RTN4IP1: variants seen among roughly 807,000 people sequenced by gnomAD.
RTN4IP1 encodes the protein reticulon 4 interacting protein 1, also known as NAD(P)H oxidoreductase RTN4IP1, mitochondrial.
Under a neutral mutation model 46.6 loss-of-function variants are expected in RTN4IP1, and 32 were observed. That is an observed-to-expected ratio of 0.69 (90% CI 0.52 to 0.92). RTN4IP1 has a LOEUF of 0.92. Among genes scored for constraint, RTN4IP1 ranks in the 40% least tolerant of loss-of-function variants. The pLI is 0.00. For missense variants in RTN4IP1, 424 were observed against 485.8 expected (o/e 0.87, Z 1.20); for synonymous variants, 167 against 161.8 (o/e 1.03, Z -0.24).
At chr6:106,607,979 T>C (rs953299773) in intron 4 of RTN4IP1, among the ~76,000 whole-genome samples, 2 of 152,138 alleles carry the variant, frequency 1.3e-5, no homozygotes, top group Non-Finnish European at 2.9e-5. Flanking sequence ...TACTACTGAG[T>C]ATTTATCCAG....
chr6:106,601,326 G>T (rs1028666733), intron 5 of RTN4IP1, among the ~76,000 whole-genome samples: 39 of 152,028 alleles, frequency 2.6e-4, no homozygotes, highest in African/African-American at 9.0e-4. Flanking sequence ...ACTCTTACCA[G>T]AAAATGATAT....
intron 8 of RTN4IP1, among the ~76,000 whole-genome samples, chr6:106,574,972 A>C (rs1484460656): frequency 3.3e-5 from 5 of 152,182 alleles, no homozygotes; most frequent in African/African-American, 1.2e-4. Context: ...GTGACAATGG[A>C]AAAAAAGGTT....
chr6:106,600,148 T>C (rs560474097), intron 5 of RTN4IP1, among the ~76,000 whole-genome samples: 8 of 152,194 alleles, frequency 5.3e-5, no homozygotes, highest in African/African-American at 1.2e-4. Context: ...ACCATCTGGG[T>C]TCTCAAAAAG....
chr6:106,583,271 A>G, intron 8 of RTN4IP1, 57 bp downstream of exon 8: 1 of 1,406,378 alleles, frequency 7.1e-7, no homozygotes, highest in Non-Finnish European at 1.0e-6. Context: ...GGGCAGGTCT[A>G]CAGGAGGTGC....
intron 6 of RTN4IP1, among the ~76,000 whole-genome samples, chr6:106,588,920 G>A (rs2114635624): frequency 6.6e-6 from 1 of 151,824 alleles, no homozygotes; most frequent in South Asian, 2.1e-4. Context: ...AGACCAGCCT[G>A]ACCAACATGG....
At chr6:106,592,377 T>C (rs1329375297) in intron 5 of RTN4IP1, 77 bp from the exon 6 acceptor site, 57 of 1,458,910 alleles carry the variant, frequency 3.9e-5, no homozygotes, top group Non-Finnish European at 5.0e-5. Context: ...AAAAAAATCA[T>C]TGGCACCATG....
chr6:106,626,190 G>A (rs1299763629), intron 1 of RTN4IP1, among the ~76,000 whole-genome samples: 1 of 152,120 alleles, frequency 6.6e-6, no homozygotes, highest in East Asian at 1.9e-4. Context: ...GATGCTGACA[G>A]GTGGGTAGCT....
chr6:106,624,740 G>A lies in RTN4IP1; in HGVS notation c.275-1771C>T, dbSNP rs374316438. Among the ~76,000 whole-genome samples the A allele has an allele frequency of 1.9e-4, 28 of 150,920 alleles. No homozygotes were observed. In the East Asian group the frequency reaches 5.5e-3, roughly 29 times the overall value. Reference sequence around the variant, plus strand: ...AGGTGGGAGGATTGCTTGAGTTCAGGAGTTCAAAACCAGCCTAGAGCTCAT... The same window carrying A: ...AGGTGGGAGGATTGCTTGAGTTCAGAAGTTCAAAACCAGCCTAGAGCTCAT... On this transcript the variant is annotated intron_variant, in intron 1 of 8. Coordinates refer to ENST00000369063, the MANE Select transcript of RTN4IP1 (RefSeq NM_032730.5).
intron 5 of RTN4IP1, among the ~76,000 whole-genome samples, chr6:106,593,244 C>A (rs1355948918): frequency 1.3e-5 from 2 of 151,870 alleles, no homozygotes; most frequent in Non-Finnish European, 2.9e-5. Context: ...ATAAATGTTA[C>A]CCAGGTTTTA....
chr6:106,601,463 TA>T (rs1211920514), intron 5 of RTN4IP1, among the ~76,000 whole-genome samples: 2 of 152,180 alleles, frequency 1.3e-5, no homozygotes, highest in African/African-American at 4.8e-5. Context: ...GTGTCATATC[TA>T]AAAATCTGTT....
chr6:106,595,038 G>A (rs1444229693), intron 5 of RTN4IP1, among the ~76,000 whole-genome samples: 1 of 152,124 alleles, frequency 6.6e-6, no homozygotes. Context: ...CTGAGCTCAC[G>A]TGATCCACCC....
chr6:106,629,358 G>C lies in RTN4IP1; in HGVS notation c.-337C>G, dbSNP rs1776750247. 7.2e-6 allele frequency: 4 copies of C among 558,286 alleles called. No individual in the cohort carries two copies. In the South Asian group the frequency reaches 9.0e-5, roughly 13 times the overall value. The allele number at this position is 558,286 out of a possible 1,614,324, so 34.6% of individuals were successfully genotyped here. ...CGCAAACCCCCTAGATCCCTGCCCT[G>C]TCCTGGGAGCCCTCGGCGGGACAAG... On this transcript the variant is annotated 5_prime_UTR_variant, in exon 1 of 9. Coordinates refer to ENST00000369063, the MANE Select transcript of RTN4IP1 (RefSeq NM_032730.5).
chr6:106,571,910 G>T lies in RTN4IP1; in HGVS notation c.*86C>A. On this transcript the variant is annotated 3_prime_UTR_variant, in exon 9 of 9. Coordinates refer to ENST00000369063, the MANE Select transcript of RTN4IP1 (RefSeq NM_032730.5). The stretch of plus-strand genomic sequence containing the variant: ...AATGTATAATCTAATCTGGAAAAAT[G>T]TTTGAAAGGGATGGCTAGAAAAAAA... 1.2e-6 allele frequency: 1 copy of T among 811,848 alleles called. No individual in the cohort carries two copies. The highest frequency in any genetic ancestry group is 2.1e-6 in the Non-Finnish European group (1 of 478,242). The allele number at this position is 811,848 out of a possible 1,614,324, so 50.3% of individuals were successfully genotyped here. A position where few individuals can be genotyped will look rare whatever the true frequency, so the allele number is the denominator to read the frequency against.
intron 5 of RTN4IP1, among the ~76,000 whole-genome samples, chr6:106,602,515 T>C (rs377681621): frequency 1.3e-5 from 2 of 152,258 alleles, no homozygotes; most frequent in East Asian, 3.9e-4. Flanking sequence ...CTACCTGCAC[T>C]GCCCATGGTC....
upstream of RTN4IP1, chr6:106,629,578 A>G (rs1776760701): frequency 1.0e-5 from 14 of 1,403,854 alleles, no homozygotes; most frequent in Non-Finnish European, 1.2e-5. Flanking sequence ...TGAAGGGCTC[A>G]GTGACAATTA....
At chr6:106,599,823 T>C (rs926291224) in intron 5 of RTN4IP1, among the ~76,000 whole-genome samples, 6 of 150,678 alleles carry the variant, frequency 4.0e-5, no homozygotes, top group African/African-American at 1.5e-4. Context: ...AAAATAGGAA[T>C]TCTTGTGCTG....
At chr6:106,623,358 G>A (rs1412467008) in intron 1 of RTN4IP1, among the ~76,000 whole-genome samples, 2 of 152,126 alleles carry the variant, frequency 1.3e-5, no homozygotes, top group Non-Finnish European at 2.9e-5. Context: ...ACACATAGAG[G>A]GGAACAACAC....
chr6:106,572,742 T>G (rs1278056449), intron 8 of RTN4IP1, among the ~76,000 whole-genome samples: 1 of 152,232 alleles, frequency 6.6e-6, no homozygotes, highest in Non-Finnish European at 1.5e-5. Flanking sequence ...TGTATCCATT[T>G]GGCTCCTTAC....
intron 4 of RTN4IP1, among the ~76,000 whole-genome samples, chr6:106,605,242 T>C (rs772328402): frequency 4.0e-5 from 6 of 151,868 alleles, no homozygotes; most frequent in Admixed American, 2.6e-4. Context: ...GAGAACATCC[T>C]GGCCAACATA....
Sources: allele counts gnomAD v4.1 joint callset (sites outside exome capture counted in the v4.1 genomes callset), GRCh38; gene constraint gnomAD v4.1.1; transcripts MANE v1.5; gene names NCBI Gene and HGNC (gene_info 2026-07-23, HGNC 2026-07-21).